Variants in ZKSCAN1 observed in about 807,000 individuals in gnomAD.
The protein encoded by ZKSCAN1 is zinc finger with KRAB and SCAN domains 1.
In ZKSCAN1, 14 loss-of-function variants were observed where a neutral mutation model predicts 51.6. The ratio of observed to expected loss-of-function variants is 0.27; its 90% CI spans 0.18 to 0.42. The LOEUF (loss-of-function observed/expected upper bound fraction) is 0.42. Among genes scored for constraint, ZKSCAN1 ranks in the 10% least tolerant of loss-of-function variants. The pLI, the probability that ZKSCAN1 is intolerant of heterozygous loss-of-function variation, is 1.00. For missense variants in ZKSCAN1, 531 were observed against 710.0 expected (o/e 0.75, Z 2.86); for synonymous variants, 263 against 261.5 (o/e 1.01, Z -0.06).
chr7:100,044,752 C>T, downstream of ZKSCAN1: 2 of 971,672 alleles, frequency 2.1e-6, no homozygotes, highest in Non-Finnish European at 2.4e-6. Context: ...CACCATTCCA[C>T]TTTCATTCTC....
chr7:100,025,994 G>A (rs1419584264), intron 3 of ZKSCAN1, among the ~76,000 whole-genome samples: 1 of 152,088 alleles, frequency 6.6e-6, no homozygotes, highest in Non-Finnish European at 1.5e-5. Context: ...GCCAAGGCAG[G>A]CAGATCACCT....
At position 100,039,786 on chromosome 7, in the gene ZKSCAN1, G is replaced by A. The variant is rs1212422895; in HGVS notation, c.*5589G>A. The A allele has an allele frequency of 2.0e-5, 20 of 985,310 alleles. No individual in the cohort carries two copies. The highest frequency in any genetic ancestry group is 6.1e-5 in the Admixed American group (1 of 16,272). The allele number at this position is 985,310 out of a possible 1,614,324, so 61.0% of individuals were successfully genotyped here. On this transcript the variant is annotated 3_prime_UTR_variant, in exon 6 of 6. Transcript: ENST00000324306. ...ACTCTGAGCAACTTCTCAGAGATAC[G>A]AGGGGGCTAGGGTTTTCCCATCTGG...
chr7:100,028,862 G>A (rs1316673729), intron 3 of ZKSCAN1, among the ~76,000 whole-genome samples: 1 of 151,454 alleles, frequency 6.6e-6, no homozygotes, highest in Non-Finnish European at 1.5e-5. Flanking sequence ...GACAAAAACT[G>A]GCAAAAACTT....
In ZKSCAN1 at chr7:100,034,299, A is replaced by G; in HGVS notation, c.*102A>G. On this transcript the variant is annotated 3_prime_UTR_variant, in exon 6 of 6. Transcript: ENST00000324306. ...AAAGAAATACAGCCTCAACAGATTA[A>G]AAAACAAAAGTCACACTTAAGGATC... 6.7e-7 allele frequency: 1 copy of G among 1,484,406 alleles called. No individual in the cohort carries two copies. Among genetic ancestry groups the G allele is most frequent in the South Asian group, 1.4e-5 (1 of 69,544 alleles). The allele number at this position is 1,484,406 out of a possible 1,614,324, so 92.0% of individuals were successfully genotyped here. A position where few individuals can be genotyped will look rare whatever the true frequency, so the allele number is the denominator to read the frequency against.
chr7:100,043,439 G>T (rs561693006), downstream of ZKSCAN1, among the ~76,000 whole-genome samples: 8 of 152,250 alleles, frequency 5.3e-5, no homozygotes, highest in East Asian at 1.4e-3. Flanking sequence ...GAGTGCAGTG[G>T]CACGATTGTG....
Position 100,040,958 on chromosome 7 carries a change from A to G in ZKSCAN1, c.*6761A>G. 1.0e-6 allele frequency: 1 copy of G among 985,396 alleles called. No homozygotes were observed. The highest frequency in any genetic ancestry group is 1.2e-6 in the Non-Finnish European group (1 of 829,916). 61.0% of individuals were successfully genotyped at this position (985,396 alleles called of 1,614,324 possible). A position where few individuals can be genotyped will look rare whatever the true frequency, so the allele number is the denominator to read the frequency against. ...GGTTATGCAGGAAAATCTTGTCCTA[A>G]AAATATATGAGTTTGGGGGTAAGGG... On this transcript the variant is annotated 3_prime_UTR_variant, in exon 6 of 6. Coordinates refer to ENST00000324306, the MANE Select transcript of ZKSCAN1 (RefSeq NM_003439.4).
At chr7:100,042,803 T>TG (rs1446773309), downstream of ZKSCAN1, among the ~76,000 whole-genome samples, 3 of 149,684 alleles carry the variant, frequency 2.0e-5, no homozygotes, top group Non-Finnish European at 3.0e-5. Flanking sequence ...TTGGGTTTTT[T>TG]TTTTTTTTTT....
rs914934393 is a variant in ZKSCAN1 at position 100,036,148 on chromosome 7, C to T, written c.*1951C>T. ...AAACTGCACAGTGGTCATTCTTTGGCCTCTCCTTGGCTTTATGACTTAAAC... is the reference window on the plus strand; with the variant it reads ...AAACTGCACAGTGGTCATTCTTTGGTCTCTCCTTGGCTTTATGACTTAAAC... On this transcript the variant is annotated 3_prime_UTR_variant, in exon 6 of 6. Transcript: ENST00000324306. 3.0e-6 allele frequency: 3 copies of T among 985,182 alleles called. No homozygotes were observed. In the African/African-American group the frequency reaches 5.2e-5, roughly 17 times the overall value. The allele number at this position is 985,182 out of a possible 1,614,324, so 61.0% of individuals were successfully genotyped here.
chr7:100,033,033 G>T lies in ZKSCAN1; in HGVS notation c.800-272G>T, dbSNP rs188540560. ...AAAAAAAAAAAAAAGTTACCCGGGC[G>T]TGGTAGCATGCACCTATAGTCCCAG... On this transcript the variant is annotated intron_variant, in intron 5 of 5. Coordinates refer to ENST00000324306, the MANE Select transcript of ZKSCAN1 (RefSeq NM_003439.4). The surrounding 1 kb of genome is among the most constrained non-coding windows in gnomAD (Gnocchi z 4.1). 6.6e-6 allele frequency among the ~76,000 whole-genome samples: 1 copy of T among 151,524 alleles called. No individual in the cohort carries two copies. Among genetic ancestry groups the T allele is most frequent in the African/African-American group, 2.4e-5 (1 of 41,206 alleles).
chr7:100,017,655 C>T (rs1003494550), intron 1 of ZKSCAN1, among the ~76,000 whole-genome samples: 2 of 152,178 alleles, frequency 1.3e-5, no homozygotes, highest in Admixed American at 6.5e-5. Context: ...ACTGAGGTAT[C>T]CTTAGCTGCT....
Position 100,040,887 on chromosome 7 carries a change from T to C in ZKSCAN1, c.*6690T>C, listed in dbSNP as rs56936395. 3.9e-4 allele frequency: 381 copies of C among 985,380 alleles called. 4 individuals carry two copies. The East Asian group carries it at 0.036, about 94-fold the overall frequency. The allele number at this position is 985,380 out of a possible 1,614,324, so 61.0% of individuals were successfully genotyped here. On this transcript the variant is annotated 3_prime_UTR_variant, in exon 6 of 6. Transcript: ENST00000324306. ...CTTCTGCTGATCGCAGGGGTTCTTATTTGAAAACATCTATGATGGGGGTGG... is the reference window on the plus strand; with the variant it reads ...CTTCTGCTGATCGCAGGGGTTCTTACTTGAAAACATCTATGATGGGGGTGG...
At chr7:100,041,890 C>T (rs1791608238), downstream of ZKSCAN1, among the ~76,000 whole-genome samples, 1 of 152,184 alleles carries the variant, frequency 6.6e-6, no homozygotes, top group Non-Finnish European at 1.5e-5. Flanking sequence ...CCTGAATGGA[C>T]CTCTCCTCTC....
chr7:100,041,580 T>TTAAG lies in ZKSCAN1; in HGVS notation c.*7384_*7387dup. On this transcript the variant is annotated 3_prime_UTR_variant, in exon 6 of 6. Transcript: ENST00000324306. ...GCCAGTGGCGTCTGATAAAGAAATG[T>TTAAG]TAAGAGTAGTGAGGTTGAGGAAGGA... is the stretch of plus-strand genomic sequence containing the variant. The TTAAG allele has an allele frequency of 2.0e-6, 2 of 985,396 alleles. No homozygotes were observed. The highest frequency in any genetic ancestry group is 2.4e-6 in the Non-Finnish European group (2 of 829,902). The allele number at this position is 985,396 out of a possible 1,614,324, so 61.0% of individuals were successfully genotyped here.
At position 100,033,069 on chromosome 7, in the gene ZKSCAN1, G is replaced by C. The variant is rs1394289015; in HGVS notation, c.800-236G>C. ...CACCTATAGTCCCAGCTACTTGGGAGGCTGAGGCAGGAGAATCACTTGAAC... is the reference window on the plus strand; with the variant it reads ...CACCTATAGTCCCAGCTACTTGGGACGCTGAGGCAGGAGAATCACTTGAAC... On this transcript the variant is annotated intron_variant, in intron 5 of 5. Coordinates refer to ENST00000324306, the MANE Select transcript of ZKSCAN1 (RefSeq NM_003439.4). This position sits in a 1 kb window ranked among gnomAD's most constrained non-coding sequence, Gnocchi z 4.1. 6.6e-6 allele frequency among the ~76,000 whole-genome samples: 1 copy of C among 152,050 alleles called. No homozygotes were observed. Among genetic ancestry groups the C allele is most frequent in the African/African-American group, 2.4e-5 (1 of 41,396 alleles).
At chr7:100,044,978 A>T, downstream of ZKSCAN1, 1 of 985,396 alleles carries the variant, frequency 1.0e-6, no homozygotes, top group Non-Finnish European at 1.2e-6. Flanking sequence ...GAAGATCCAG[A>T]AATGCACCTT....
rs1167430647 is a variant in ZKSCAN1, at chr7:100,038,823, G to GTC, written c.*4630_*4631dup. On this transcript the variant is annotated 3_prime_UTR_variant, in exon 6 of 6. Coordinates refer to ENST00000324306, the MANE Select transcript of ZKSCAN1 (RefSeq NM_003439.4). ...ATCCTGGCTAACATGGCGAAACCCC[G>GTC]TCTCTACTAAAAATACAAAAAAATA... 2 of 744,134 alleles carry GTC rather than the reference G, an allele frequency of 2.7e-6. No individual in the cohort carries two copies. The highest frequency in any genetic ancestry group is 3.3e-6 in the Non-Finnish European group (2 of 610,170). 46.1% of individuals were successfully genotyped at this position (744,134 alleles called of 1,614,324 possible). A position where few individuals can be genotyped will look rare whatever the true frequency, so the allele number is the denominator to read the frequency against.
At chr7:100,018,033 T>G (rs939210273) in intron 1 of ZKSCAN1, among the ~76,000 whole-genome samples, 1 of 152,228 alleles carries the variant, frequency 6.6e-6, no homozygotes. Context: ...ATTACCTCAT[T>G]TAATCCTCAC....
In ZKSCAN1 at chr7:100,023,479, T is replaced by C. The variant is rs929149872; in HGVS notation, c.-28T>C. On this transcript the variant is annotated 5_prime_UTR_variant, in exon 2 of 6. Coordinates refer to ENST00000324306, the MANE Select transcript of ZKSCAN1 (RefSeq NM_003439.4). ...ACATAAAGGTGAGCACAGACCCTGT[T>C]TGGATCAAGTCAGTTCCTGGAGCCT... is the stretch of plus-strand genomic sequence containing the variant. The C allele has an allele frequency of 1.7e-5, 27 of 1,589,860 alleles. No homozygotes were observed. Among genetic ancestry groups the C allele is most frequent in the Non-Finnish European group, 2.3e-5 (27 of 1,169,304 alleles).
chr7:100,040,217 A>G lies in ZKSCAN1; in HGVS notation c.*6020A>G, dbSNP rs1472747949. 4 of 985,300 alleles carry G rather than the reference A, an allele frequency of 4.1e-6. No homozygotes were observed. Among genetic ancestry groups the G allele is most frequent in the Non-Finnish European group, 4.8e-6 (4 of 829,922 alleles). The allele number at this position is 985,300 out of a possible 1,614,324, so 61.0% of individuals were successfully genotyped here. A position where few individuals can be genotyped will look rare whatever the true frequency, so the allele number is the denominator to read the frequency against. On this transcript the variant is annotated 3_prime_UTR_variant, in exon 6 of 6. Transcript: ENST00000324306. ...CTTAACATGAGAATTGAATTTCATG[A>G]TGTGTGGTTCCATTTAATAGCGGAC... is the stretch of plus-strand genomic sequence containing the variant.
Sources: allele counts gnomAD v4.1 joint callset (sites outside exome capture counted in the v4.1 genomes callset), GRCh38; gene constraint gnomAD v4.1.1; non-coding constraint Gnocchi (gnomAD v3.1); transcripts MANE v1.5; gene names NCBI Gene and HGNC (gene_info 2026-07-23, HGNC 2026-07-21).